The following CACNB4 variants were observed in gnomAD, a reference collection of about 807,000 sequenced individuals.
CACNB4 encodes voltage-dependent L-type calcium channel subunit beta-4.
In CACNB4, 32 loss-of-function variants were observed where a neutral mutation model predicts 71.2. The observed-to-expected ratio is 0.45, with a 90% CI of 0.34 to 0.60. CACNB4 has a LOEUF of 0.60. CACNB4 is among the 20% of genes least tolerant of loss of function. CACNB4 has a pLI of 0.01. For synonymous variants in CACNB4, 231 were observed against 236.9 expected, an observed-to-expected ratio of 0.97 and a Z score of 0.23; for missense variants, 464 against 647.9, an observed-to-expected ratio of 0.72 and a Z score of 3.08.
intron 2 of CACNB4, among the ~76,000 whole-genome samples, chr2:152,059,627 T>C (rs890535727): frequency 6.6e-6 from 1 of 152,244 alleles, no homozygotes; most frequent in Admixed American, 6.5e-5. Flanking sequence ...TACAGGCTCA[T>C]AGGCAGAAGG....
chr2:151,863,076 AT>A (rs1355519572), intron 9 of CACNB4, among the ~76,000 whole-genome samples: 1 of 149,660 alleles, frequency 6.7e-6, no homozygotes, highest in African/African-American at 2.5e-5. Flanking sequence ...TTTTAATTTA[AT>A]TTTTTTGAGT....
chr2:151,870,238 T>G, intron 8 of CACNB4: 1 of 702,730 alleles, frequency 1.4e-6, no homozygotes, highest in South Asian at 1.5e-5. Context: ...ACAGATAAAG[T>G]CCTTTTCTTT....
chr2:152,029,564 C>T (rs947278644), intron 2 of CACNB4, among the ~76,000 whole-genome samples: 1 of 151,678 alleles, frequency 6.6e-6, no homozygotes, highest in Admixed American at 6.6e-5. Context: ...GCTCTCTCTG[C>T]CACATGAAGA....
chr2:152,017,571 G>C (rs1394890868), intron 2 of CACNB4, among the ~76,000 whole-genome samples: 3 of 152,066 alleles, frequency 2.0e-5, no homozygotes, highest in African/African-American at 4.8e-5. Context: ...AGCCGGGCAT[G>C]GTGGCGGGTG....
At chr2:151,985,479 G>C (rs186918570) in intron 2 of CACNB4, among the ~76,000 whole-genome samples, 2 of 152,116 alleles carry the variant, frequency 1.3e-5, no homozygotes, top group African/African-American at 4.8e-5. Context: ...GTATATGAAT[G>C]CTTTTAAGCC....
At chr2:151,998,344 G>GTTGA (rs780370979) in intron 2 of CACNB4, among the ~76,000 whole-genome samples, 125 of 137,386 alleles carry the variant, frequency 9.1e-4, no homozygotes, top group Admixed American at 2.8e-3. Flanking sequence ...AAAAAAAAAA[G>GTTGA]TTGAAATTAA....
intron 2 of CACNB4, among the ~76,000 whole-genome samples, chr2:151,978,170 T>C (rs1434527411): frequency 3.2e-5 from 2 of 62,140 alleles, no homozygotes; most frequent in African/African-American, 1.4e-4. Context: ...AGTCCTCTGC[T>C]GTAGTTCTCT....
intron 2 of CACNB4, among the ~76,000 whole-genome samples, chr2:152,008,622 G>T (rs1189748554): frequency 6.6e-6 from 1 of 152,074 alleles, no homozygotes; most frequent in Non-Finnish European, 1.5e-5. Context: ...TTTTCTGATA[G>T]AACCACGAAC....
intron 2 of CACNB4, chr2:151,972,283 G>A (rs993511866): frequency 6.6e-6 from 1 of 152,210 alleles, no homozygotes; most frequent in African/African-American, 2.4e-5. Context: ...ATCAATGGCC[G>A]AAAATAAAAC....
At chr2:151,868,224 G>A (rs1412718033) in intron 9 of CACNB4, 1 of 152,036 alleles carries the variant, frequency 6.6e-6, no homozygotes, top group Non-Finnish European at 1.5e-5. Flanking sequence ...TGCATTTAGT[G>A]GATTCTCATA....
At chr2:152,033,262 G>C (rs921976663) in intron 2 of CACNB4, among the ~76,000 whole-genome samples, 38 of 152,362 alleles carry the variant, frequency 2.5e-4, no homozygotes, top group African/African-American at 7.2e-4. Flanking sequence ...CTTTTGACTT[G>C]CTGAAGCAAA....
intron 2 of CACNB4, among the ~76,000 whole-genome samples, chr2:152,087,168 C>T (rs1056242936): frequency 2.6e-5 from 4 of 151,722 alleles, no homozygotes; most frequent in African/African-American, 9.7e-5. Context: ...CACGGTGGCT[C>T]ATGCCTATAA....
At position 152,098,229 on chromosome 2, in the gene CACNB4, G is replaced by C; in HGVS notation, c.147+101C>G. ...GCCGGGAAGAGACGCGCGCGGGCTT[G>C]ACCCGCAGCTCCCGCACGTGTGGGC... On this transcript the variant is annotated intron_variant, in intron 2 of 13. Transcript: ENST00000539935. The surrounding 1 kb of genome is among the most constrained non-coding windows in gnomAD (Gnocchi z 5.3). 1 of 899,224 alleles carries C rather than the reference G, an allele frequency of 1.1e-6. No individual in the cohort carries two copies. Among genetic ancestry groups the C allele is most frequent in the Non-Finnish European group, 1.8e-6 (1 of 554,952 alleles). 55.7% of individuals were successfully genotyped at this position (899,224 alleles called of 1,614,324 possible). A position where few individuals can be genotyped will look rare whatever the true frequency, so the allele number is the denominator to read the frequency against.
chr2:152,030,755 T>C (rs1379611683), intron 2 of CACNB4, among the ~76,000 whole-genome samples: 2 of 152,250 alleles, frequency 1.3e-5, no homozygotes, highest in Non-Finnish European at 2.9e-5. Flanking sequence ...GCTGCCTCCA[T>C]GTCCCTACAA....
chr2:151,974,808 G>A (rs2099873477), intron 2 of CACNB4, among the ~76,000 whole-genome samples: 1 of 67,740 alleles, frequency 1.5e-5, no homozygotes, highest in Admixed American at 1.8e-4. Context: ...AGAACTTTCT[G>A]GTCAACCAAA....
intron 2 of CACNB4, among the ~76,000 whole-genome samples, chr2:151,894,507 A>C (rs983036911): frequency 1.3e-5 from 2 of 152,200 alleles, no homozygotes; most frequent in East Asian, 3.8e-4. Flanking sequence ...AACTGGAACA[A>C]AGATGCCCAC....
chr2:152,035,135 A>C (rs1251959716), intron 2 of CACNB4, among the ~76,000 whole-genome samples: 1 of 152,242 alleles, frequency 6.6e-6, no homozygotes, highest in African/African-American at 2.4e-5. Flanking sequence ...ATAATGTCTG[A>C]CATCAACTCC....
chr2:151,975,439 G>T (rs2099873620), intron 2 of CACNB4, among the ~76,000 whole-genome samples: 1 of 152,194 alleles, frequency 6.6e-6, no homozygotes, highest in Admixed American at 6.5e-5. Context: ...AAATATAAAT[G>T]ATAGCAAGAA....
chr2:151,869,559 C>T lies in CACNB4; in HGVS notation c.700-324G>A, dbSNP rs529030811. 3.4e-4 allele frequency: 75 copies of T among 220,020 alleles called. 1 individual carries two copies. In the South Asian group the frequency reaches 9.8e-3, roughly 29 times the overall value. The allele number at this position is 220,020 out of a possible 1,614,324, so 13.6% of individuals were successfully genotyped here. On this transcript the variant is annotated intron_variant, in intron 8 of 13. Transcript: ENST00000539935. ...ACAGGCTGGCTTTGTACACAGGTGC[C>T]GGGTATCCTTGGCACGCCTGAGTTG...
Sources: allele counts gnomAD v4.1 joint callset (sites outside exome capture counted in the v4.1 genomes callset), GRCh38; gene constraint gnomAD v4.1.1; non-coding constraint Gnocchi (gnomAD v3.1); transcripts MANE v1.5; gene names NCBI Gene and HGNC (gene_info 2026-07-23, HGNC 2026-07-21).